FUT8: variants seen among roughly 807,000 people sequenced by gnomAD.
FUT8 encodes fucosyltransferase 8, also known as alpha-(1,6)-fucosyltransferase.
Under a neutral mutation model 71.3 loss-of-function variants are expected in FUT8, and 29 were observed. The observed-to-expected ratio is 0.41, with a 90% CI of 0.30 to 0.55. The LOEUF is 0.55. FUT8 is among the 20% of genes least tolerant of loss of function. FUT8 has a pLI of 0.34. For missense variants in FUT8, 544 were observed against 702.1 expected, an observed-to-expected ratio of 0.77 and a Z score of 2.55; for synonymous variants, 254 against 239.3, an observed-to-expected ratio of 1.06 and a Z score of -0.57.
intron 6 of FUT8, among the ~76,000 whole-genome samples, chr14:65,655,118 A>G (rs1022505259): frequency 1.3e-5 from 2 of 152,016 alleles, no homozygotes; most frequent in African/African-American, 4.8e-5. Flanking sequence ...ATATAACGAT[A>G]TAGGTAGATT....
chr14:65,637,457 A>G (rs1325830915), intron 6 of FUT8, among the ~76,000 whole-genome samples: 1 of 152,198 alleles, frequency 6.6e-6, no homozygotes, highest in Non-Finnish European at 1.5e-5. Context: ...CTCCGAGTTT[A>G]ACTTGAAATT....
Position 65,638,748 on chromosome 14 carries a change from A to G in FUT8, c.597+9142A>G, listed in dbSNP as rs77108908. Among the ~76,000 whole-genome samples the G allele has an allele frequency of 0.017, 2,664 of 152,320 alleles. 78 individuals are homozygous for G. Among genetic ancestry groups the G allele is most frequent in the African/African-American group, 0.061 (2,525 of 41,570 alleles). On this transcript the variant is annotated intron_variant, in intron 6 of 10. Transcript: ENST00000673929. This position sits in a 1 kb window ranked among gnomAD's most constrained non-coding sequence, Gnocchi z 4.5. ...ATTTAAAGCCAGAATATAACTATAT[A>G]CGTTATTTATGTGCTTGTATACTGA...
At chr14:65,659,408 A>G (rs1891851698) in intron 6 of FUT8, among the ~76,000 whole-genome samples, 1 of 152,130 alleles carries the variant, frequency 6.6e-6, no homozygotes, top group Admixed American at 6.5e-5. Context: ...AAGTACCAGT[A>G]CTACCCAGAA....
At chr14:65,568,492 T>C (rs1391751884) in intron 3 of FUT8, among the ~76,000 whole-genome samples, 3 of 151,752 alleles carry the variant, frequency 2.0e-5, no homozygotes, top group African/African-American at 7.2e-5. Context: ...GTCATTAATT[T>C]AAAATACTTT....
At chr14:65,671,009 A>G (rs1171319742) in intron 7 of FUT8, among the ~76,000 whole-genome samples, 1 of 152,162 alleles carries the variant, frequency 6.6e-6, no homozygotes, top group African/African-American at 2.4e-5. Context: ...TTTCACGGCT[A>G]GTGCCAACAG....
the FUT8 span, among the ~76,000 whole-genome samples, chr14:65,397,499 T>A: frequency 0.022 from 3,301 of 152,322 alleles, 216 homozygotes; most frequent in East Asian, 0.21. This position sits in a 1 kb window ranked among gnomAD's most constrained non-coding sequence, Gnocchi z 4.2. Context: ...ATTTTCCCCA[T>A]GTCAGTGTGG....
At chr14:65,462,521 A>T (rs1481086820) in intron 2 of FUT8, among the ~76,000 whole-genome samples, 4 of 152,216 alleles carry the variant, frequency 2.6e-5, no homozygotes, top group African/African-American at 7.2e-5. Context: ...GAGATTTTAG[A>T]AAAATTCTTA....
chr14:65,554,524 G>A (rs1885479140), intron 2 of FUT8, among the ~76,000 whole-genome samples: 1 of 151,444 alleles, frequency 6.6e-6, no homozygotes, highest in African/African-American at 2.4e-5. Flanking sequence ...AAAGATTGAG[G>A]TGAATAGTAT....
At chr14:65,434,513 A>G (rs935986282) in intron 1 of FUT8, among the ~76,000 whole-genome samples, 3 of 152,172 alleles carry the variant, frequency 2.0e-5, no homozygotes, top group Non-Finnish European at 4.4e-5. Context: ...AAATAGGGAA[A>G]AGGAATTTGA....
intron 6 of FUT8, among the ~76,000 whole-genome samples, chr14:65,646,280 G>A (rs569561855): frequency 6.6e-6 from 1 of 152,246 alleles, no homozygotes; most frequent in East Asian, 1.9e-4. Flanking sequence ...CAAGATAGGA[G>A]ATTACTTGAG....
intron 2 of FUT8, among the ~76,000 whole-genome samples, chr14:65,514,149 G>T (rs1332993880): frequency 2.6e-5 from 4 of 152,220 alleles, no homozygotes; most frequent in African/African-American, 9.7e-5. Flanking sequence ...TATCAGTGCT[G>T]TTGGTAGGAC....
intron 2 of FUT8, among the ~76,000 whole-genome samples, chr14:65,479,000 T>C (rs980004436): frequency 1.3e-5 from 2 of 152,240 alleles, no homozygotes; most frequent in Non-Finnish European, 2.9e-5. Flanking sequence ...ATTTTAGGAA[T>C]ACTTTTTAAA....
chr14:65,557,113 A>T lies in FUT8; in HGVS notation c.-227-4224A>T, dbSNP rs977086428. 3.3e-5 allele frequency among the ~76,000 whole-genome samples: 5 copies of T among 152,312 alleles called. No individual in the cohort carries two copies. In the East Asian group the frequency reaches 5.8e-4, roughly 18 times the overall value. On this transcript the variant is annotated intron_variant, in intron 2 of 10. Transcript: ENST00000673929. Reference sequence around the variant, plus strand: ...CTTATTTAAGGCTCGTGGCAACTCTATTAAGTCTCCTTATCTTACTGATAT... The same window carrying T: ...CTTATTTAAGGCTCGTGGCAACTCTTTTAAGTCTCCTTATCTTACTGATAT...
rs1044811743 is a variant in FUT8, at chr14:65,532,626, A to G, written c.-227-28711A>G. The stretch of plus-strand genomic sequence containing the variant: ...CTGTCGATAGTTTCTTTTGCTGTAG[A>G]GAAGCTCTTTAGTTTAATGAGATCC... On this transcript the variant is annotated intron_variant, in intron 2 of 10. Transcript: ENST00000673929. Among the ~76,000 whole-genome samples, 3 of 152,206 alleles carry G rather than the reference A, an allele frequency of 2.0e-5. 1 individual carries two copies. Among genetic ancestry groups the G allele is most frequent in the South Asian group, 4.1e-4 (2 of 4,824 alleles).
rs763687153 is a variant in FUT8 at position 65,629,496 on chromosome 14, A to G, written c.487A>G (p.Ile163Val). 8.4e-5 allele frequency: 135 copies of G among 1,609,762 alleles called. No individual in the cohort carries two copies. The highest frequency in any genetic ancestry group is 1.1e-4 in the East Asian group (5 of 44,868). Residue 163 changes from isoleucine to valine, a missense_variant, in exon 6 of 11, where the codon ATA becomes GTA. Transcript: ENST00000673929. ...LLDLGHHERS[I>V]MTDLYYLSQT... Reference sequence around the variant, plus strand: ...CATTGTTGTTTGTTTTAACAGGTCTATAATGACGGATCTATACTACCTCAG... The same window carrying G: ...CATTGTTGTTTGTTTTAACAGGTCTGTAATGACGGATCTATACTACCTCAG...
chr14:65,455,318 C>A (rs997300755), intron 1 of FUT8, among the ~76,000 whole-genome samples: 1 of 152,100 alleles, frequency 6.6e-6, no homozygotes, highest in Non-Finnish European at 1.5e-5. Context: ...AAAAGATAGA[C>A]AAAGTTAAAG....
At chr14:65,476,672 G>A (rs74056792) in intron 2 of FUT8, among the ~76,000 whole-genome samples, 2 of 109,106 alleles carry the variant, frequency 1.8e-5, no homozygotes, top group Admixed American at 1.9e-4. Context: ...TTTTTTTTTT[G>A]GCGACAGGGT....
rs1415479574 is a variant in FUT8, at chr14:65,467,032, CAA to C, written c.-228+11317_-228+11318del. Among the ~76,000 whole-genome samples the C allele has an allele frequency of 6.6e-6, 1 of 152,098 alleles. No individual in the cohort carries two copies. The highest frequency in any genetic ancestry group is 1.5e-5 in the Non-Finnish European group (1 of 67,998). ...TTAGATGAATTAAGGATCAGAAAAACAAAAGATTTAGTTTTACCTTTATTTTT... is the reference window on the plus strand; with the variant it reads ...TTAGATGAATTAAGGATCAGAAAAACAAGATTTAGTTTTACCTTTATTTTT... On this transcript the variant is annotated intron_variant, in intron 2 of 10. Transcript: ENST00000673929. The surrounding 1 kb of genome is among the most constrained non-coding windows in gnomAD (Gnocchi z 4.1).
chr14:65,555,340 A>G (rs1003193896), intron 2 of FUT8, among the ~76,000 whole-genome samples: 12 of 152,200 alleles, frequency 7.9e-5, no homozygotes, highest in Middle Eastern at 3.4e-3. Flanking sequence ...AGGTCTGTCA[A>G]CTTTGCCTAA....
Sources: gnomAD v4.1 joint callset for allele counts (sites outside exome capture counted in the v4.1 genomes callset) on GRCh38, gnomAD v4.1.1 for gene constraint, Gnocchi (gnomAD v3.1) non-coding constraint, MANE v1.5 for transcripts, NCBI Gene and HGNC (gene_info 2026-07-23, HGNC 2026-07-21) for gene names.